DGKG: variants seen among roughly 807,000 people sequenced by gnomAD.
DGKG encodes diacylglycerol kinase gamma, also known as DAG kinase gamma.
DGKG carries 78 observed loss-of-function variants against 105.3 expected under a neutral mutation model. That is an observed-to-expected ratio of 0.74 (90% CI 0.62 to 0.89). The LOEUF is 0.89. Ranked by LOEUF, DGKG falls within the 40% of genes least tolerant of loss-of-function variation. The pLI is 0.00. For synonymous variants in DGKG, 346 were observed against 367.1 expected, an observed-to-expected ratio of 0.94 and a Z score of 0.66; for missense variants, 958 against 1,020.1, an observed-to-expected ratio of 0.94 and a Z score of 0.83.
intron 20 of DGKG, among the ~76,000 whole-genome samples, chr3:186,216,425 C>T (rs1719297098): frequency 6.6e-6 from 1 of 152,112 alleles, no homozygotes; most frequent in Non-Finnish European, 1.5e-5. Context: ...CACTTTTTGG[C>T]TAGAAGTGAA....
intron 2 of DGKG, among the ~76,000 whole-genome samples, chr3:186,319,196 A>G (rs761641374): frequency 6.6e-6 from 1 of 152,206 alleles, no homozygotes; most frequent in African/African-American, 2.4e-5. Flanking sequence ...GAGTACCAGG[A>G]GGGTGACAAA....
At chr3:186,176,030 C>T (rs549942140) in intron 22 of DGKG, among the ~76,000 whole-genome samples, 16 of 152,214 alleles carry the variant, frequency 1.1e-4, no homozygotes, top group African/African-American at 3.4e-4. Flanking sequence ...TTTGAAAGGA[C>T]GCAAGGCAGA....
At chr3:186,173,965 C>G (rs1201342343) in intron 22 of DGKG, among the ~76,000 whole-genome samples, 2 of 152,206 alleles carry the variant, frequency 1.3e-5, no homozygotes, top group African/African-American at 4.8e-5. Context: ...TAATGCTTTC[C>G]CCAGAGAAAC....
intron 1 of DGKG, among the ~76,000 whole-genome samples, chr3:186,351,605 G>T (rs571960935): frequency 2.6e-5 from 4 of 152,234 alleles, no homozygotes; most frequent in African/African-American, 7.2e-5. Flanking sequence ...ACTAACCAAG[G>T]TTCACCAAGA....
chr3:186,156,550 C>T (rs571413879), intron 24 of DGKG, among the ~76,000 whole-genome samples: 60 of 151,984 alleles, frequency 3.9e-4, no homozygotes, highest in South Asian at 8.3e-4. Flanking sequence ...TATTTCTCAG[C>T]GTTCTTTTAT....
chr3:186,246,719 A>G (rs999594200), intron 19 of DGKG, among the ~76,000 whole-genome samples: 2 of 152,202 alleles, frequency 1.3e-5, no homozygotes, highest in African/African-American at 4.8e-5. Flanking sequence ...AATCTGCAGG[A>G]AAAATTATGT....
At chr3:186,273,237 G>C (rs1356648435) in intron 10 of DGKG, among the ~76,000 whole-genome samples, 1 of 152,044 alleles carries the variant, frequency 6.6e-6, no homozygotes, top group Admixed American at 6.6e-5. Flanking sequence ...ACACATTATT[G>C]CTGTTGTTTT....
intron 3 of DGKG, among the ~76,000 whole-genome samples, chr3:186,299,837 C>CTTTCT (rs1560142091): frequency 5.6e-5 from 5 of 90,064 alleles, no homozygotes; most frequent in Non-Finnish European, 6.8e-5. Context: ...TTCTTTCTTT[C>CTTTCT]TTTTTTTTTT....
chr3:186,362,071 T>A lies in DGKG; in HGVS notation c.-374A>T, dbSNP rs948934283. 1 of 151,844 alleles carries A rather than the reference T, an allele frequency of 6.6e-6. No homozygotes were observed. The highest frequency in any genetic ancestry group is 6.6e-5 in the Admixed American group (1 of 15,254). 9.4% of individuals were successfully genotyped at this position (151,844 alleles called of 1,614,324 possible). ...GACCGAAGCTGGCCTCTGGGCGTCTTCCCGCCTGCGCAGCCCTCTCGGGGG... is the reference window on the plus strand; with the variant it reads ...GACCGAAGCTGGCCTCTGGGCGTCTACCCGCCTGCGCAGCCCTCTCGGGGG... On this transcript the variant is annotated 5_prime_UTR_variant, in exon 1 of 25. Coordinates refer to ENST00000265022, the MANE Select transcript of DGKG (RefSeq NM_001346.3).
chr3:186,345,727 T>A (rs1726296238), intron 1 of DGKG, among the ~76,000 whole-genome samples: 1 of 152,230 alleles, frequency 6.6e-6, no homozygotes, highest in African/African-American at 2.4e-5. Flanking sequence ...TTTGTATCAA[T>A]GCATATCTAC....
At chr3:186,308,587 C>T (rs1473894353) in intron 2 of DGKG, among the ~76,000 whole-genome samples, 2 of 152,082 alleles carry the variant, frequency 1.3e-5, no homozygotes, top group Non-Finnish European at 2.9e-5. Context: ...TGGATTCAAT[C>T]AAGCAGAAGT....
In DGKG at chr3:186,152,384, T is replaced by C. The variant is rs529658369; in HGVS notation, c.2278-2196A>G. On this transcript the variant is annotated intron_variant, in intron 24 of 24. Transcript: ENST00000265022. ...TGGAGACTCGGACAGCACTTATCTG[T>C]GGCATGCAATGTAGCATTCTTTGTT... Among the ~76,000 whole-genome samples, 7 of 151,982 alleles carry C rather than the reference T, an allele frequency of 4.6e-5. No individual in the cohort carries two copies. In the East Asian group the frequency reaches 1.4e-3, roughly 29 times the overall value.
chr3:186,262,893 C>T (rs1010850995), intron 14 of DGKG, among the ~76,000 whole-genome samples: 1 of 152,148 alleles, frequency 6.6e-6, no homozygotes, highest in Non-Finnish European at 1.5e-5. Flanking sequence ...CTTTGGGAGG[C>T]CGGGGCAGGA....
chr3:186,260,325 G>T, intron 16 of DGKG, 114 bp downstream of exon 16: 2 of 755,166 alleles, frequency 2.6e-6, no homozygotes, highest in Non-Finnish European at 4.5e-6. Flanking sequence ...GAGTAAAATG[G>T]CAGGAAGGAA....
intron 3 of DGKG, among the ~76,000 whole-genome samples, chr3:186,298,626 G>T (rs1723715182): frequency 6.6e-6 from 1 of 152,214 alleles, no homozygotes; most frequent in Admixed American, 6.5e-5. Flanking sequence ...GCTCTAATGA[G>T]CAGGGACAAG....
At chr3:186,320,999 A>G (rs1725049040) in intron 1 of DGKG, among the ~76,000 whole-genome samples, 1 of 152,214 alleles carries the variant, frequency 6.6e-6, no homozygotes, top group African/African-American at 2.4e-5. Flanking sequence ...CTCAGGGCAT[A>G]AAAATGCCTT....
At chr3:186,196,007 T>G (rs993354933) in intron 21 of DGKG, among the ~76,000 whole-genome samples, 4 of 152,198 alleles carry the variant, frequency 2.6e-5, no homozygotes, top group African/African-American at 9.7e-5. Context: ...GACCCATTAA[T>G]ATAGTCCCCT....
intron 13 of DGKG, among the ~76,000 whole-genome samples, chr3:186,265,638 A>ACTTGG (rs1299670609): frequency 1.4e-5 from 2 of 144,482 alleles, no homozygotes; most frequent in Non-Finnish European, 3.0e-5. Flanking sequence ...AGACTTGGCG[A>ACTTGG]CTTGGCTTTT....
intron 9 of DGKG, among the ~76,000 whole-genome samples, chr3:186,278,228 A>G (rs1722671911): frequency 6.6e-6 from 1 of 152,180 alleles, no homozygotes; most frequent in African/African-American, 2.4e-5. Context: ...GATTCCCTGT[A>G]ACTAAAATGT....
Sources: gnomAD v4.1 joint callset for allele counts (sites outside exome capture counted in the v4.1 genomes callset) on GRCh38, gnomAD v4.1.1 for gene constraint, MANE v1.5 for transcripts, NCBI Gene and HGNC (gene_info 2026-07-23, HGNC 2026-07-21) for gene names.